Variants in TASP1 observed in about 807,000 individuals in gnomAD.
The protein encoded by TASP1 is taspase 1, also known as threonine aspartase 1.
Under a neutral mutation model 56.6 loss-of-function variants are expected in TASP1, and 16 were observed. The observed-to-expected ratio is 0.28, with a 90% CI of 0.19 to 0.43. The LOEUF (loss-of-function observed/expected upper bound fraction) is 0.43, where lower values mean the gene tolerates loss of function less well. TASP1 is among the 20% of genes least tolerant of loss of function. The pLI is 1.00. For missense variants in TASP1, 393 were observed against 511.6 expected, an observed-to-expected ratio of 0.77 and a Z score of 2.24; for synonymous variants, 179 against 184.2, an observed-to-expected ratio of 0.97 and a Z score of 0.23.
At chr20:13,299,229 G>A in the TASP1 span, 2 of 1,601,334 alleles carry the variant, frequency 1.2e-6, no homozygotes. The surrounding 1 kb of genome is among the most constrained non-coding windows in gnomAD (Gnocchi z 5.8). Context: ...CTGCTACGGC[G>A]ACAACATGCA....
the TASP1 span, among the ~76,000 whole-genome samples, chr20:13,304,668 T>C: frequency 0.22 from 33,893 of 152,140 alleles, 4,090 homozygotes; most frequent in East Asian, 0.36. Context: ...GTCAACTGTT[T>C]GGTGATCTTG....
At chr20:13,340,076 C>T in the TASP1 span, among the ~76,000 whole-genome samples, 3 of 152,100 alleles carry the variant, frequency 2.0e-5, no homozygotes, top group Admixed American at 6.5e-5. Flanking sequence ...ACTATCCAGC[C>T]TCCTTGCAGC....
At chr20:13,504,925 G>A (rs529898653) in intron 10 of TASP1, among the ~76,000 whole-genome samples, 13 of 151,802 alleles carry the variant, frequency 8.6e-5, no homozygotes, top group African/African-American at 3.1e-4. Flanking sequence ...ATAACAAAAC[G>A]GCAATAGTAC....
the TASP1 span, among the ~76,000 whole-genome samples, chr20:13,232,378 A>T: frequency 6.6e-6 from 1 of 152,164 alleles, no homozygotes; most frequent in African/African-American, 2.4e-5. Flanking sequence ...GATTTCCTAG[A>T]CTTTTATATA....
chr20:13,508,798 C>A (rs573302592), intron 10 of TASP1, among the ~76,000 whole-genome samples: 11 of 152,152 alleles, frequency 7.2e-5, no homozygotes, highest in Admixed American at 7.2e-4. Flanking sequence ...TATTCCCTCA[C>A]ACCTCTTAGG....
At chr20:13,628,505 G>A (rs1323063924) in intron 2 of TASP1, among the ~76,000 whole-genome samples, 1 of 152,146 alleles carries the variant, frequency 6.6e-6, no homozygotes, top group Non-Finnish European at 1.5e-5. Context: ...GTGAGAAAAT[G>A]GGATTAAACC....
chr20:13,274,081 G>A, the TASP1 span, among the ~76,000 whole-genome samples: 1 of 150,952 alleles, frequency 6.6e-6, no homozygotes, highest in Non-Finnish European at 1.5e-5. Context: ...GTGTGTGTAT[G>A]TGTGCATGTG....
At chr20:13,176,749 C>T in the TASP1 span, among the ~76,000 whole-genome samples, 1 of 152,044 alleles carries the variant, frequency 6.6e-6, no homozygotes, top group African/African-American at 2.4e-5. Context: ...AACTGATAAA[C>T]AAATTCAATA....
At chr20:13,353,247 CA>C in the TASP1 span, among the ~76,000 whole-genome samples, 28,214 of 111,014 alleles carry the variant, frequency 0.25, 3,400 homozygotes, top group African/African-American at 0.37. Flanking sequence ...GATTTTGTCT[CA>C]AAAAAAAAAA....
chr20:13,133,902 C>G, the TASP1 span, among the ~76,000 whole-genome samples: 2 of 152,200 alleles, frequency 1.3e-5, no homozygotes, highest in Admixed American at 1.3e-4. Context: ...CTTTATTCAA[C>G]CTTTACTCAG....
intron 11 of TASP1, among the ~76,000 whole-genome samples, chr20:13,479,294 GC>G (rs1355414895): frequency 3.9e-5 from 6 of 151,950 alleles, no homozygotes; most frequent in African/African-American, 1.5e-4. Flanking sequence ...AACAAAGGAA[GC>G]AAAAAGGGAA....
intron 2 of TASP1, among the ~76,000 whole-genome samples, chr20:13,628,228 T>C (rs1232347873): frequency 6.6e-6 from 1 of 152,210 alleles, no homozygotes; most frequent in African/African-American, 2.4e-5. Context: ...AGGGTCATAA[T>C]AGTTATAGAA....
At chr20:13,208,590 T>C in the TASP1 span, among the ~76,000 whole-genome samples, 1 of 152,230 alleles carries the variant, frequency 6.6e-6, no homozygotes, top group Non-Finnish European at 1.5e-5. Flanking sequence ...GTTTTGTGAC[T>C]TGCTTTAGAC....
At chr20:13,436,240 G>T (rs78398253) in intron 11 of TASP1, among the ~76,000 whole-genome samples, 8,883 of 152,062 alleles carry the variant, frequency 0.058, 359 homozygotes, top group African/African-American at 0.12. Context: ...AGGGTAGAGA[G>T]GATAAAAGAT....
chr20:13,454,017 A>C (rs6042120), intron 11 of TASP1, among the ~76,000 whole-genome samples: 8,821 of 151,810 alleles, frequency 0.058, 366 homozygotes, highest in African/African-American at 0.12. Flanking sequence ...AAGAAAATAA[A>C]ACATGCCAAG....
At chr20:13,486,543 T>C (rs77229570) in intron 10 of TASP1, among the ~76,000 whole-genome samples, 2 of 152,172 alleles carry the variant, frequency 1.3e-5, no homozygotes, top group East Asian at 3.8e-4. Context: ...CATGTTTCTG[T>C]CCTTCCAATA....
chr20:13,420,704 G>C (rs916153085), intron 12 of TASP1, among the ~76,000 whole-genome samples: 13 of 152,222 alleles, frequency 8.5e-5, no homozygotes, highest in African/African-American at 3.1e-4. Flanking sequence ...TAGAATCTAA[G>C]ATGTGCCAGG....
At position 13,510,327 on chromosome 20, in the gene TASP1, T is replaced by C. The variant is rs144579770; in HGVS notation, c.874+18106A>G. On this transcript the variant is annotated intron_variant, in intron 10 of 13. Transcript: ENST00000337743. ...AGAGGAAAACAAATTCAAACACAAC[T>C]AGGAATCTTGCCCCAGAACCAAGAA... is the stretch of plus-strand genomic sequence containing the variant. Among the ~76,000 whole-genome samples, 770 of 152,186 alleles carry C rather than the reference T, an allele frequency of 5.1e-3. 4 individuals carry two copies. The highest frequency in any genetic ancestry group is 0.012 in the East Asian group (60 of 5,172).
intron 5 of TASP1, among the ~76,000 whole-genome samples, chr20:13,581,240 G>T (rs183172871): frequency 1.3e-5 from 2 of 152,074 alleles, no homozygotes; most frequent in Admixed American, 6.6e-5. Context: ...AGAAGCAAAG[G>T]CTGAATTGAA....
Sources: allele counts gnomAD v4.1 joint callset (sites outside exome capture counted in the v4.1 genomes callset), GRCh38; gene constraint gnomAD v4.1.1; non-coding constraint Gnocchi (gnomAD v3.1); transcripts MANE v1.5; gene names NCBI Gene and HGNC (gene_info 2026-07-23, HGNC 2026-07-21).